The following FMN1 variants were observed in gnomAD, a reference collection of about 807,000 sequenced individuals.
The protein encoded by FMN1 is formin-1.
In FMN1, 110 loss-of-function variants were observed where a neutral mutation model predicts 132.4. That is an observed-to-expected ratio of 0.83 (90% CI 0.71 to 0.97). The LOEUF (loss-of-function observed/expected upper bound fraction) is 0.97. Ranked by LOEUF, FMN1 falls within the 50% of genes least tolerant of loss-of-function variation. The probability of loss-of-function intolerance (pLI) is 0.00; values close to 1 mark genes in which losing one functional copy is unlikely to be tolerated. For missense variants in FMN1, 1,792 were observed against 1,705.3 expected (o/e 1.05, Z -0.90); for synonymous variants, 722 against 651.7 (o/e 1.11, Z -1.64).
intron 4 of FMN1, among the ~76,000 whole-genome samples, chr15:33,096,668 T>A (rs975065739): frequency 1.3e-5 from 2 of 152,022 alleles, no homozygotes; most frequent in African/African-American, 2.4e-5. Context: ...GGTGCGATCC[T>A]GGATCACTGC....
intron 2 of FMN1, among the ~76,000 whole-genome samples, chr15:33,185,768 C>T (rs1364397503): frequency 6.6e-6 from 1 of 151,882 alleles, no homozygotes; most frequent in Non-Finnish European, 1.5e-5. Flanking sequence ...GACAGGGTTT[C>T]ACCATGTTGG....
chr15:33,171,201 C>T (rs1965309096), intron 3 of FMN1, among the ~76,000 whole-genome samples: 1 of 152,038 alleles, frequency 6.6e-6, no homozygotes, highest in South Asian at 2.1e-4. Flanking sequence ...ATTATAGTTT[C>T]CAGAGACTGA....
intron 4 of FMN1, among the ~76,000 whole-genome samples, chr15:33,136,857 G>A (rs1000402864): frequency 4.6e-5 from 7 of 152,090 alleles, no homozygotes; most frequent in Non-Finnish European, 8.8e-5. Context: ...GGAGGCCAAC[G>A]CAGGCAGATC....
At chr15:33,111,232 T>TA (rs755103842) in intron 4 of FMN1, among the ~76,000 whole-genome samples, 2 of 152,146 alleles carry the variant, frequency 1.3e-5, no homozygotes, top group African/African-American at 4.8e-5. Context: ...ATTTAAAAAA[T>TA]AAAAAAACTT....
chr15:33,043,950 G>A (rs2036560554), intron 6 of FMN1, among the ~76,000 whole-genome samples: 1 of 152,100 alleles, frequency 6.6e-6, no homozygotes, highest in Non-Finnish European at 1.5e-5. Context: ...GCACTCTCAG[G>A]GACCCAGGAA....
chr15:32,907,515 A>T (rs1455233809), intron 12 of FMN1, among the ~76,000 whole-genome samples: 1 of 151,868 alleles, frequency 6.6e-6, no homozygotes, highest in East Asian at 1.9e-4. Context: ...CTAACAGGCC[A>T]TGGGCTGGTA....
intron 7 of FMN1, among the ~76,000 whole-genome samples, chr15:32,971,824 A>G (rs147339804): frequency 1.3e-5 from 2 of 152,216 alleles, no homozygotes; most frequent in African/African-American, 4.8e-5. Flanking sequence ...ATCAGATTAT[A>G]AACTCCCCAA....
Position 32,999,494 on chromosome 15 carries a change from T to C in FMN1, c.2223+8520A>G, listed in dbSNP as rs560070516. Among the ~76,000 whole-genome samples, 41 of 152,330 alleles carry C rather than the reference T, an allele frequency of 2.7e-4. 1 individual carries two copies. In the South Asian group the frequency reaches 5.2e-3, roughly 19 times the overall value. ...TTCTCTTGGGGACAAAAAGGTACAA[T>C]GTAAGTTAATTTTCAGTTTGGCATT... On this transcript the variant is annotated intron_variant, in intron 7 of 20. Coordinates refer to ENST00000616417, the MANE Select transcript of FMN1 (RefSeq NM_001277313.2).
chr15:32,822,871 G>GT (rs2058255778), intron 17 of FMN1, among the ~76,000 whole-genome samples: 1 of 152,168 alleles, frequency 6.6e-6, no homozygotes, highest in Non-Finnish European at 1.5e-5. Context: ...CTACAAGCAT[G>GT]TTTTTTCAGG....
At chr15:32,818,395 T>C (rs1361829264) in intron 17 of FMN1, among the ~76,000 whole-genome samples, 1 of 152,210 alleles carries the variant, frequency 6.6e-6, no homozygotes, top group Non-Finnish European at 1.5e-5. Flanking sequence ...TTCAGAATAA[T>C]TTTTTGACAG....
At chr15:33,111,320 TAAC>T (rs781641736) in intron 4 of FMN1, among the ~76,000 whole-genome samples, 13 of 152,158 alleles carry the variant, frequency 8.5e-5, no homozygotes, top group South Asian at 2.1e-4. Context: ...AAAAGGCAGA[TAAC>T]AACAAGTGTT....
At chr15:32,852,253 A>C (rs2059025744) in intron 17 of FMN1, among the ~76,000 whole-genome samples, 1 of 152,234 alleles carries the variant, frequency 6.6e-6, no homozygotes, top group Admixed American at 6.5e-5. Context: ...TATCCAAGCA[A>C]GAAAAAGGAG....
intron 17 of FMN1, among the ~76,000 whole-genome samples, chr15:32,811,537 A>C (rs2057877589): frequency 7.9e-6 from 1 of 126,712 alleles, no homozygotes; most frequent in Admixed American, 7.2e-5. Context: ...GTCATAAAAT[A>C]AAAAAAAAAA....
intron 17 of FMN1, among the ~76,000 whole-genome samples, chr15:32,808,879 C>G (rs2057772840): frequency 6.7e-6 from 1 of 148,784 alleles, no homozygotes; most frequent in Non-Finnish European, 1.5e-5. Flanking sequence ...TGGTTGTTAT[C>G]ATTTATGCTC....
At position 33,154,988 on chromosome 15, in the gene FMN1, A is replaced by G; in HGVS notation, c.-74T>C. Reference sequence around the variant, plus strand: ...GCTTCCCAGGCTCCAGTGGTGAGGCATGTGATGGTGGCTATGCAGAGAAAG... The same window carrying G: ...GCTTCCCAGGCTCCAGTGGTGAGGCGTGTGATGGTGGCTATGCAGAGAAAG... On this transcript the variant is annotated 5_prime_UTR_variant, in exon 4 of 21. It removes an upstream start codon present in the reference 5' UTR. Coordinates refer to ENST00000616417, the MANE Select transcript of FMN1 (RefSeq NM_001277313.2). 1 of 1,234,176 alleles carries G rather than the reference A, an allele frequency of 8.1e-7. No individual in the cohort carries two copies. Among genetic ancestry groups the G allele is most frequent in the Non-Finnish European group, 1.1e-6 (1 of 907,150 alleles). The allele number at this position is 1,234,176 out of a possible 1,614,324, so 76.5% of individuals were successfully genotyped here.
At chr15:33,135,655 T>A (rs1963733375) in intron 4 of FMN1, among the ~76,000 whole-genome samples, 1 of 152,226 alleles carries the variant, frequency 6.6e-6, no homozygotes, top group Non-Finnish European at 1.5e-5. Flanking sequence ...TGGCAAGGAC[T>A]GTGTAAGATG....
intron 4 of FMN1, among the ~76,000 whole-genome samples, chr15:33,124,554 A>AGT (rs376771249): frequency 1.3e-5 from 2 of 151,262 alleles, no homozygotes; most frequent in African/African-American, 4.9e-5. Context: ...GCCAGGGTTG[A>AGT]GTCATCGGAG....
chr15:32,769,865 A>G lies in FMN1; in HGVS notation c.*4445T>C, dbSNP rs757761123. ...AAGGTAAAATAACTAATACAAAACA[A>G]ATTTTAAAAAGTGGAAGCTTTTTCT... On this transcript the variant is annotated 3_prime_UTR_variant, in exon 21 of 21. Transcript: ENST00000616417. The G allele has an allele frequency of 6.6e-5, 10 of 152,172 alleles. No homozygotes were observed. Among genetic ancestry groups the G allele is most frequent in the Non-Finnish European group, 1.2e-4 (8 of 68,044 alleles). The allele number at this position is 152,172 out of a possible 1,614,324, so 9.4% of individuals were successfully genotyped here.
intron 4 of FMN1, among the ~76,000 whole-genome samples, chr15:33,100,852 A>AT (rs1491284137): frequency 6.6e-6 from 1 of 152,204 alleles, no homozygotes; most frequent in East Asian, 1.9e-4. Flanking sequence ...ATCGATTGTG[A>AT]TATAGTCATT....
Sources: gnomAD v4.1 joint callset for allele counts (sites outside exome capture counted in the v4.1 genomes callset) on GRCh38, gnomAD v4.1.1 for gene constraint, MANE v1.5 for transcripts, NCBI Gene and HGNC (gene_info 2026-07-23, HGNC 2026-07-21) for gene names.